CTSS: variants seen among roughly 807,000 people sequenced by gnomAD.
The protein encoded by CTSS is cathepsin S.
Under a neutral mutation model 39.9 loss-of-function variants are expected in CTSS, and 15 were observed. The observed-to-expected ratio is 0.38, with a 90% confidence interval of 0.25 to 0.58. The LOEUF (loss-of-function observed/expected upper bound fraction) is 0.58, where lower values mean the gene tolerates loss of function less well. Ranked by LOEUF, CTSS falls within the 20% of genes least tolerant of loss-of-function variation. CTSS has a pLI of 0.70. For synonymous variants in CTSS, 126 were observed against 138.2 expected (o/e 0.91, Z 0.62); for missense variants, 250 against 398.2 (o/e 0.63, Z 3.17).
intron 2 of CTSS, among the ~76,000 whole-genome samples, chr1:150,762,690 C>T (rs146440831): frequency 6.6e-6 from 1 of 152,238 alleles, no homozygotes; most frequent in Non-Finnish European, 1.5e-5. Flanking sequence ...CATCACCAGT[C>T]ATCAGGGAAA....
chr1:150,764,502 G>A, intron 2 of CTSS, 136 bp downstream of exon 2: 1 of 1,180,252 alleles, frequency 8.5e-7, no homozygotes, highest in Admixed American at 2.0e-5. Flanking sequence ...CCTTCCAAAG[G>A]GCTAGGATTA....
chr1:150,762,957 A>G (rs888921914), intron 2 of CTSS, among the ~76,000 whole-genome samples: 1 of 152,172 alleles, frequency 6.6e-6, no homozygotes, highest in Non-Finnish European at 1.5e-5. Flanking sequence ...TATGTCAATG[A>G]GATAGCTGCA....
intron 2 of CTSS, among the ~76,000 whole-genome samples, chr1:150,760,217 G>A (rs1653224314): frequency 6.6e-6 from 1 of 152,110 alleles, no homozygotes; most frequent in Non-Finnish European, 1.5e-5. Flanking sequence ...TTCATAAAGG[G>A]TGTGGGTGAG....
intron 2 of CTSS, among the ~76,000 whole-genome samples, chr1:150,763,945 T>G (rs1472851767): frequency 6.6e-6 from 1 of 152,064 alleles, no homozygotes. Context: ...GCTCCCTGGC[T>G]TCCATCAATT....
chr1:150,756,708 CTTTT>C (rs72242218), intron 3 of CTSS, among the ~76,000 whole-genome samples: 2,005 of 131,170 alleles, frequency 0.015, 19 homozygotes, highest in Admixed American at 0.033. Flanking sequence ...TTCTTTCTTT[CTTTT>C]TTTTTTTTTT....
intron 7 of CTSS, among the ~76,000 whole-genome samples, chr1:150,739,338 C>A (rs1197352893): frequency 1.3e-5 from 2 of 152,174 alleles, no homozygotes; most frequent in Admixed American, 1.3e-4. Flanking sequence ...ACTTCTTGAA[C>A]CAGTTAGCCA....
rs587694858 is a variant in CTSS at position 150,743,706 on chromosome 1, TA to T, written c.896+4070del. Among the ~76,000 whole-genome samples the T allele has an allele frequency of 3.1e-3, 202 of 65,696 alleles. 2 individuals are homozygous for T. Among genetic ancestry groups the T allele is most frequent in the African/African-American group, 0.01 (186 of 18,294 alleles). 43.1% of individuals were successfully genotyped at this position (65,696 alleles called of 152,430 possible). On this transcript the variant is annotated intron_variant, in intron 7 of 7. Transcript: ENST00000368985. ...ATATGTATATTATGTATACATAATA[TA>T]TTATATATTATATGTATATTATGTA... is the stretch of plus-strand genomic sequence containing the variant.
intron 2 of CTSS, among the ~76,000 whole-genome samples, chr1:150,763,566 CAATT>C (rs1653306558): frequency 6.6e-6 from 1 of 151,796 alleles, no homozygotes; most frequent in African/African-American, 2.4e-5. Context: ...TAAATAGACA[CAATT>C]ATTATTTAAT....
Position 150,755,027 on chromosome 1 carries a change from C to G in CTSS, c.373G>C (p.Gly125Arg). The stretch of plus-strand genomic sequence containing the variant: ...TGATATTTCACTTCAGTAACACACC[C>G]TTTCTCTCTCCAGTCCACAGAATCA... ...LPDSVDWREK[G>R]CVTEVKYQGS... The change falls in exon 4 of 8, where the codon GGG becomes CGG. Residue 125 changes from glycine (G) to arginine (R), a missense_variant. Physicochemically the swap from Gly to Arg is moderately radical, Grantham distance 125. Transcript: ENST00000368985. 6.2e-7 allele frequency: 1 copy of G among 1,614,066 alleles called. No homozygotes were observed. The highest frequency in any genetic ancestry group is 8.5e-7 in the Non-Finnish European group (1 of 1,179,996).
chr1:150,731,466 A>T lies in CTSS; in HGVS notation c.*1580T>A, dbSNP rs999443795. On this transcript the variant is annotated 3_prime_UTR_variant, in exon 8 of 8. Transcript: ENST00000368985. ...ATTCTATACACTTTTGATGATAGCC[A>T]TGTATTATGGTATTATTTATGTTTT... 5 of 152,218 alleles carry T rather than the reference A, an allele frequency of 3.3e-5. No homozygotes were observed. 9.4% of individuals were successfully genotyped at this position (152,218 alleles called of 1,614,324 possible).
Position 150,743,569 on chromosome 1 carries a change from A to G in CTSS, c.896+4208T>C, listed in dbSNP as rs184494958. ...TATAGAGAGATTTATATGTATGTAT[A>G]CATAATATATTATATATGTATATTA... On this transcript the variant is annotated intron_variant, in intron 7 of 7. Coordinates refer to ENST00000368985, the MANE Select transcript of CTSS (RefSeq NM_004079.5). Among the ~76,000 whole-genome samples the G allele has an allele frequency of 7.0e-3, 909 of 129,524 alleles. 15 individuals are homozygous for G. The highest frequency in any genetic ancestry group is 0.019 in the Middle Eastern group (5 of 260). 85.0% of individuals were successfully genotyped at this position (129,524 alleles called of 152,430 possible). A position where few individuals can be genotyped will look rare whatever the true frequency, so the allele number is the denominator to read the frequency against.
chr1:150,756,800 T>A (rs1316301188), intron 3 of CTSS, among the ~76,000 whole-genome samples: 1 of 149,350 alleles, frequency 6.7e-6, no homozygotes, highest in Non-Finnish European at 1.5e-5. Context: ...CACTGCAATC[T>A]CTGCCTCCCG....
intron 3 of CTSS, among the ~76,000 whole-genome samples, chr1:150,757,102 A>G (rs931402193): frequency 2.0e-5 from 3 of 152,228 alleles, no homozygotes; most frequent in African/African-American, 7.2e-5. Context: ...AAAAACAGTA[A>G]TAGTTGTGAC....
In CTSS at chr1:150,732,240, A is replaced by G. The variant is rs1395881274; in HGVS notation, c.*806T>C. On this transcript the variant is annotated 3_prime_UTR_variant, in exon 8 of 8. Coordinates refer to ENST00000368985, the MANE Select transcript of CTSS (RefSeq NM_004079.5). Reference sequence around the variant, plus strand: ...GAATCCTCTTCTGTACAAAGATACAATCTGAGTCCTTAGGACATTTATAGC... The same window carrying G: ...GAATCCTCTTCTGTACAAAGATACAGTCTGAGTCCTTAGGACATTTATAGC... 1 of 152,120 alleles carries G rather than the reference A, an allele frequency of 6.6e-6. No individual in the cohort carries two copies. The highest frequency in any genetic ancestry group is 6.5e-5 in the Admixed American group (1 of 15,268). 9.4% of individuals were successfully genotyped at this position (152,120 alleles called of 1,614,324 possible).
intron 2 of CTSS, 39 bp downstream of exon 2, chr1:150,764,599 C>T (rs1298045939): frequency 2.5e-6 from 4 of 1,612,402 alleles, no homozygotes; most frequent in Non-Finnish European, 3.4e-6. Context: ...AAACAGTACT[C>T]CTTTAAAAGC....
Position 150,732,722 on chromosome 1 carries a change from C to T in CTSS, c.*324G>A, listed in dbSNP as rs1423921230. 1 of 183,288 alleles carries T rather than the reference C, an allele frequency of 5.5e-6. No homozygotes were observed. The highest frequency in any genetic ancestry group is 1.1e-5 in the Non-Finnish European group (1 of 87,554). The allele number at this position is 183,288 out of a possible 1,614,324, so 11.4% of individuals were successfully genotyped here. On this transcript the variant is annotated 3_prime_UTR_variant, in exon 8 of 8. Transcript: ENST00000368985. ...CTCTTGGGTTCAAGGAATCTCGTGC[C>T]TCAGCCTCCCAAGTAGCTGGGATTA...
chr1:150,734,707 C>T (rs1652597888), intron 7 of CTSS, among the ~76,000 whole-genome samples: 1 of 152,064 alleles, frequency 6.6e-6, no homozygotes, highest in South Asian at 2.1e-4. Flanking sequence ...AAAGAAAATA[C>T]ATTTTAACAC....
At position 150,757,585 on chromosome 1, in the gene CTSS, A is replaced by G. The variant is rs1384007347; in HGVS notation, c.249+273T>C. Among the ~76,000 whole-genome samples, 3 of 152,214 alleles carry G rather than the reference A, an allele frequency of 2.0e-5. No homozygotes were observed. The East Asian group carries it at 5.8e-4, about 29-fold the overall frequency. On this transcript the variant is annotated intron_variant, in intron 3 of 7. Coordinates refer to ENST00000368985, the MANE Select transcript of CTSS (RefSeq NM_004079.5). ...AACCTGTCAATAGTCTTTAGGTAAT[A>G]CTTTCTAGAATTTATTAAAAAAAAA...
In CTSS at chr1:150,764,746, A is replaced by G. The variant is rs1653335737; in HGVS notation, c.18T>C (p.Cys6=). Residue 6 remains cysteine (C), a synonymous_variant, in exon 2 of 8, where the codon TGT becomes TGC. Coordinates refer to ENST00000368985, the MANE Select transcript of CTSS (RefSeq NM_004079.5). MKRLV[C]VLLVCSSAVA... ...CTGCAGAGGAGCACACCAAGAGCAC[A>G]CAAACCAGCCGTTTCATTCTGTGTA... is the stretch of plus-strand genomic sequence containing the variant. 2 of 1,614,122 alleles carry G rather than the reference A, an allele frequency of 1.2e-6. No homozygotes were observed. Among genetic ancestry groups the G allele is most frequent in the Non-Finnish European group, 1.7e-6 (2 of 1,179,970 alleles).
Sources: allele counts gnomAD v4.1 joint callset (sites outside exome capture counted in the v4.1 genomes callset), GRCh38; gene constraint gnomAD v4.1.1; transcripts MANE v1.5; gene names NCBI Gene and HGNC (gene_info 2026-07-23, HGNC 2026-07-21).